The following HAAO variants were observed in gnomAD, a reference collection of about 807,000 sequenced individuals.
The protein encoded by HAAO is 3-hydroxyanthranilate 3,4-dioxygenase, also known as 3-hydroxyanthranilate oxygenase.
A neutral mutation model predicts 46.2 loss-of-function variants in HAAO; 49 were observed. That is an observed-to-expected ratio of 1.06 (90% CI 0.84 to 1.34). The LOEUF (loss-of-function observed/expected upper bound fraction) is 1.34. Ranked by LOEUF, HAAO falls within the 40% of genes most tolerant of loss-of-function variation. The pLI is 0.00. For synonymous variants in HAAO, 157 were observed against 145.2 expected (o/e 1.08, Z -0.58); for missense variants, 408 against 364.5 (o/e 1.12, Z -0.97).
At chr2:42,780,239 C>T (rs1243962759) in intron 4 of HAAO, among the ~76,000 whole-genome samples, 9 of 144,848 alleles carry the variant, frequency 6.2e-5, no homozygotes, top group Middle Eastern at 8.4e-3. Flanking sequence ...GATGGAGTCT[C>T]GCTCTGTTGC....
intron 7 of HAAO, 107 bp downstream of exon 7, chr2:42,769,604 TGA>T (rs1320398653): frequency 4.7e-5 from 34 of 726,346 alleles, no homozygotes; most frequent in African/African-American, 3.8e-4. Flanking sequence ...TGTGTGTGTG[TGA>T]GTGTGTGTGT....
intron 1 of HAAO, among the ~76,000 whole-genome samples, chr2:42,790,587 A>G (rs1411050534): frequency 1.3e-5 from 2 of 150,676 alleles, no homozygotes; most frequent in Admixed American, 6.6e-5. Context: ...GCTGGAATGC[A>G]GTGGCACAAC....
At chr2:42,770,288 C>T in intron 5 of HAAO, 102 bp from the exon 6 acceptor site, 1 of 1,028,320 alleles carries the variant, frequency 9.7e-7, no homozygotes, top group Admixed American at 2.0e-5. Flanking sequence ...CAGGTGCCCA[C>T]ACACACTCAT....
intron 2 of HAAO, among the ~76,000 whole-genome samples, chr2:42,786,782 G>T (rs1471018521): frequency 1.3e-5 from 2 of 152,208 alleles, no homozygotes; most frequent in African/African-American, 4.8e-5. Context: ...GGGAGCTGGA[G>T]GTACCCTGAC....
chr2:42,780,953 T>C lies in HAAO; in HGVS notation c.350+2361A>G, dbSNP rs539797139. Among the ~76,000 whole-genome samples, 849 of 149,560 alleles carry C rather than the reference T, an allele frequency of 5.7e-3. 3 individuals are homozygous for C. The highest frequency in any genetic ancestry group is 9.7e-3 in the Non-Finnish European group (659 of 67,604). ...TTTGCTGGGCGTGGTGGCAGGCGCC[T>C]GTAGTCCCAGCTACTCAGGAGGCTG... On this transcript the variant is annotated intron_variant, in intron 4 of 9. Coordinates refer to ENST00000294973, the MANE Select transcript of HAAO (RefSeq NM_012205.3).
chr2:42,788,861 C>A, intron 1 of HAAO: 1 of 476,798 alleles, frequency 2.1e-6, no homozygotes, highest in Non-Finnish European at 3.8e-6. Context: ...TCTGACCCAA[C>A]AAGGGAAATG....
Position 42,767,752 on chromosome 2 carries a change from GGGCCCCAA to G in HAAO, c.700-83_700-76del, listed in dbSNP as rs1390759950. On this transcript the variant is annotated intron_variant, in intron 8 of 9. Transcript: ENST00000294973. ...CCTGGGTGAATGTCTGAGTCTGCCT[GGGCCCCAA>G]GGCCCCAAGAGTGGGCCCCGTGTGG... 8 of 1,538,270 alleles carry G rather than the reference GGGCCCCAA, an allele frequency of 5.2e-6. No homozygotes were observed. The South Asian group carries it at 5.6e-5, about 11-fold the overall frequency.
At chr2:42,787,376 G>A (rs1017902287) in intron 2 of HAAO, among the ~76,000 whole-genome samples, 1 of 152,180 alleles carries the variant, frequency 6.6e-6, no homozygotes, top group African/African-American at 2.4e-5. Flanking sequence ...TCCGCAGCCA[G>A]CTGTGCCTCC....
chr2:42,788,644 T>C, intron 1 of HAAO, 37 bp from the exon 2 acceptor site: 1 of 1,274,242 alleles, frequency 7.8e-7, no homozygotes, highest in Non-Finnish European at 1.1e-6. Context: ...TTCTAAACCA[T>C]CTCCTAGGAG....
At chr2:42,770,383 C>CG (rs2104638922) in intron 5 of HAAO, 110 bp downstream of exon 5, 6 of 954,296 alleles carry the variant, frequency 6.3e-6, no homozygotes, top group Non-Finnish European at 6.4e-6. Context: ...TGGCAGTGGG[C>CG]TCTCTGGGCC....
chr2:42,776,556 C>G (rs1220153457), intron 4 of HAAO, among the ~76,000 whole-genome samples: 1 of 150,374 alleles, frequency 6.7e-6, no homozygotes, highest in Non-Finnish European at 1.5e-5. Context: ...TCTTTAATCT[C>G]CCTCTAGCAC....
At chr2:42,788,925 G>A (rs10174617) in intron 1 of HAAO, 268,898 of 348,912 alleles carry the variant, frequency 0.77, 104,862 homozygotes, top group South Asian at 0.91. Flanking sequence ...TCAAGATCTC[G>A]AATTACAGGA....
At chr2:42,775,669 T>C (rs1194648243) in intron 4 of HAAO, among the ~76,000 whole-genome samples, 5 of 152,058 alleles carry the variant, frequency 3.3e-5, no homozygotes, top group African/African-American at 1.2e-4. Flanking sequence ...CTGCTGTCTC[T>C]CCTTTCTCCT....
chr2:42,783,793 C>T lies in HAAO; in HGVS notation c.234G>A (p.Arg78=), dbSNP rs746963937. 109 of 1,612,118 alleles carry T rather than the reference C, an allele frequency of 6.8e-5. No individual in the cohort carries two copies. Among genetic ancestry groups the T allele is most frequent in the Non-Finnish European group, 9.2e-5 (108 of 1,179,200 alleles). ...EQGKHRDVVI[R]QGEIFLLPAR... ...TGGGATCCGGCCTCACCTCTCCCTG[C>T]CGAATGACCACATCCCGGTGTTTCC... Residue 78 remains arginine (R), a synonymous_variant, in exon 3 of 10, where the codon CGG becomes CGA. Coordinates refer to ENST00000294973, the MANE Select transcript of HAAO (RefSeq NM_012205.3).
intron 4 of HAAO, among the ~76,000 whole-genome samples, chr2:42,781,446 G>A (rs1279738974): frequency 6.6e-6 from 1 of 152,124 alleles, no homozygotes; most frequent in Non-Finnish European, 1.5e-5. Context: ...GGAACCTCAA[G>A]AAGATCACCC....
At chr2:42,769,894 G>C in intron 6 of HAAO, 36 bp from the exon 7 acceptor site, 1 of 1,568,296 alleles carries the variant, frequency 6.4e-7, no homozygotes, top group African/African-American at 1.4e-5. Flanking sequence ...GGTGTCCTCA[G>C]GACCCAGCCC....
In HAAO at chr2:42,785,977, C is replaced by T. The variant is rs552552795; in HGVS notation, c.160-2110G>A. 2.7e-5 allele frequency among the ~76,000 whole-genome samples: 4 copies of T among 150,768 alleles called. No individual in the cohort carries two copies. The East Asian group carries it at 7.8e-4, about 29-fold the overall frequency. On this transcript the variant is annotated intron_variant, in intron 2 of 9. Coordinates refer to ENST00000294973, the MANE Select transcript of HAAO (RefSeq NM_012205.3). The stretch of plus-strand genomic sequence containing the variant: ...TATAGGGAGCATTTCAGTATGCTCT[C>T]CTCCCCCACTCTCCAAGCTGGGAGG...
intron 6 of HAAO, 59 bp downstream of exon 6, chr2:42,770,084 C>T: frequency 1.3e-6 from 2 of 1,514,136 alleles, no homozygotes; most frequent in South Asian, 1.2e-5. Context: ...TGGACCAAAA[C>T]CCATCCTATT....
chr2:42,781,903 T>C (rs926263975), intron 4 of HAAO, among the ~76,000 whole-genome samples: 58 of 152,270 alleles, frequency 3.8e-4, no homozygotes, highest in Admixed American at 3.3e-3. Flanking sequence ...CTTGCTGCAC[T>C]GTATACAAAT....
Sources: gnomAD v4.1 joint callset for allele counts (sites outside exome capture counted in the v4.1 genomes callset) on GRCh38, gnomAD v4.1.1 for gene constraint, MANE v1.5 for transcripts, NCBI Gene and HGNC (gene_info 2026-07-23, HGNC 2026-07-21) for gene names.